Variants in TKTL2 observed in about 807,000 individuals in gnomAD.
The protein encoded by TKTL2 is transketolase-like protein 2.
For synonymous variants in TKTL2, 259 were observed against 294.1 expected, an observed-to-expected ratio of 0.88 and a Z score of 1.22; for missense variants, 825 against 799.4, an observed-to-expected ratio of 1.03 and a Z score of -0.39.
Position 163,472,530 on chromosome 4 carries a change from T to A in TKTL2, c.1205A>T (p.Asp402Val), listed in dbSNP as rs1265884825. ...AFAAFFTRAF[D>V]QLRMGAISQA... is the part of the protein sequence containing the mutation. Reference sequence around the variant, plus strand: ...AGAAATGGCTCCCATTCGGAGCTGATCGAATGCTCTAGTAAAAAAGGCAGC... The same window carrying A: ...AGAAATGGCTCCCATTCGGAGCTGAACGAATGCTCTAGTAAAAAAGGCAGC... Residue 402 changes from aspartate (D) to valine (V), a missense_variant, in exon 1 of 1, where the codon GAT (aspartate) becomes GTT (valine). Coordinates refer to ENST00000280605, the MANE Select transcript of TKTL2 (RefSeq NM_032136.5). 1.2e-6 allele frequency: 2 copies of A among 1,614,178 alleles called. No homozygotes were observed. The highest frequency in any genetic ancestry group is 1.7e-6 in the Non-Finnish European group (2 of 1,180,036).
chr4:163,473,355 C>T lies in TKTL2; in HGVS notation c.380G>A (p.Gly127Asp). ...TCCACATGCAGTACCTAATCCCTGA[C>T]CTAGGGACCCTGTTGCCACGTCAAC... ...PFVDVATGSL[G>D]QGLGTACGMA... is the part of the protein sequence containing the mutation. Residue 127 changes from glycine (G) to aspartate (D), a missense_variant, in exon 1 of 1, where the codon GGT (glycine) becomes GAT (aspartate). Coordinates refer to ENST00000280605, the MANE Select transcript of TKTL2 (RefSeq NM_032136.5). 2 of 1,613,948 alleles carry T rather than the reference C, an allele frequency of 1.2e-6. No homozygotes were observed. Among genetic ancestry groups the T allele is most frequent in the South Asian group, 1.1e-5 (1 of 91,048 alleles).
rs777485735 is a variant in TKTL2 at position 163,473,720 on chromosome 4, G to A, written c.15C>T (p.Asp5=). MMAN[D]AKPDVKTVQV... ...GCACGGTCTTCACGTCGGGCTTGGC[G>A]TCGTTGGCCATCATCTCTCTTTTGT... The change falls in exon 1 of 1, where the codon GAC becomes GAT. Residue 5 remains aspartate (D), a synonymous_variant. Transcript: ENST00000280605. 2 of 1,602,846 alleles carry A rather than the reference G, an allele frequency of 1.2e-6. No individual in the cohort carries two copies. The highest frequency in any genetic ancestry group is 8.5e-7 in the Non-Finnish European group (1 of 1,172,812).
rs1446805712 is a variant in TKTL2 at position 163,471,939 on chromosome 4, C to CG, written c.1795dup (p.Arg599ProfsTer5). ...ATCCAGCAATTCACTAGTTTTCCCA[C>CG]GTTGAGGCACTCCTGACACTGCCAG... is the stretch of plus-strand genomic sequence containing the variant. On this transcript the variant is annotated frameshift_variant, in exon 1 of 1. Transcript: ENST00000280605. LOFTEE classifies it high-confidence loss of function. 6.2e-7 allele frequency: 1 copy of CG among 1,607,514 alleles called. No homozygotes were observed. The highest frequency in any genetic ancestry group is 8.5e-7 in the Non-Finnish European group (1 of 1,176,968).
Position 163,473,685 on chromosome 4 carries a change from C to T in TKTL2, c.50G>A (p.Arg17Gln), listed in dbSNP as rs765173088. The T allele has an allele frequency of 1.2e-6, 2 of 1,613,626 alleles. No individual in the cohort carries two copies. The highest frequency in any genetic ancestry group is 1.1e-5 in the South Asian group (1 of 91,008). Reference protein sequence around the residue: ...KPDVKTVQVLRDTANRLRIHS... With the variant: ...KPDVKTVQVLQDTANRLRIHS... ...GATCCGCAGGCGGTTGGCTGTGTCC[C>T]GCAGCACCTGCACGGTCTTCACGTC... Residue 17 changes from arginine (R) to glutamine (Q), a missense_variant, in exon 1 of 1, where the codon CGG becomes CAG. Transcript: ENST00000280605.
chr4:163,472,493 G>T lies in TKTL2; in HGVS notation c.1242C>A (p.Ile414=), dbSNP rs867325962. Residue 414 remains isoleucine (I), a synonymous_variant, in exon 1 of 1, where the codon ATC becomes ATA. Coordinates refer to ENST00000280605, the MANE Select transcript of TKTL2 (RefSeq NM_032136.5). ...LRMGAISQAN[I]NLIGSHCGVS... is the part of the protein sequence containing the mutation. ...CCCCACAGTGGGAACCAATAAGGTTGATATTGGCTTGAGAAATGGCTCCCA... is the reference window on the plus strand; with the variant it reads ...CCCCACAGTGGGAACCAATAAGGTTTATATTGGCTTGAGAAATGGCTCCCA... 1.9e-6 allele frequency: 3 copies of T among 1,614,052 alleles called. No individual in the cohort carries two copies. Among genetic ancestry groups the T allele is most frequent in the Non-Finnish European group, 2.5e-6 (3 of 1,180,036 alleles).
Position 163,472,862 on chromosome 4 carries a change from T to C in TKTL2, c.873A>G (p.Lys291=). The C allele has an allele frequency of 2.5e-6, 4 of 1,588,002 alleles. No individual in the cohort carries two copies. The highest frequency in any genetic ancestry group is 2.2e-5 in the East Asian group (1 of 44,698). The change falls in exon 1 of 1, where the codon AAA becomes AAG. Residue 291 remains lysine, a synonymous_variant. Transcript: ENST00000280605. ...QIQTNENLIP[K]SPVEDSPQIS... ...TTTGAGGTGAGTCTTCCACAGGCGA[T>C]TTTGGTATGAGATTCTCATTGGTCT...
rs900627214 is a variant in TKTL2, at chr4:163,473,507, C to T, written c.228G>A (p.Arg76=). The part of the protein sequence containing the change: ...HPDNDRFILS[R]GHAAPILYAA... ...CATAGAGGATAGGAGCAGCATGTCC[C>T]CTGGAGAGGATGAACCGGTCGTTGT... The change falls in exon 1 of 1, where the codon AGG becomes AGA. Residue 76 remains arginine, a synonymous_variant. Transcript: ENST00000280605. The T allele has an allele frequency of 8.1e-6, 13 of 1,613,858 alleles. No individual in the cohort carries two copies. Among genetic ancestry groups the T allele is most frequent in the Non-Finnish European group, 1.1e-5 (13 of 1,180,012 alleles).
Position 163,472,035 on chromosome 4 carries a change from T to C in TKTL2, c.1700A>G (p.Tyr567Cys), listed in dbSNP as rs1349426210. 1.9e-6 allele frequency: 3 copies of C among 1,614,110 alleles called. No individual in the cohort carries two copies. Among genetic ancestry groups the C allele is most frequent in the Admixed American group, 1.7e-5 (1 of 60,012 alleles). The change falls in exon 1 of 1, where the codon TAC (tyrosine) becomes TGC (cysteine). Residue 567 changes from tyrosine (Y) to cysteine (C), a missense_variant. Transcript: ENST00000280605. ...GGRVITVEDH[Y>C]REGGIGEAVC... ...AGCTTCTCCAATGCCACCTTCCCTGTAGTGATCCTCCACTGTGATAACTCG... is the reference window on the plus strand; with the variant it reads ...AGCTTCTCCAATGCCACCTTCCCTGCAGTGATCCTCCACTGTGATAACTCG...
Position 163,473,405 on chromosome 4 carries a change from T to C in TKTL2, c.330A>G (p.Arg110=). ...NLRKLHSDLE[R]HPTPRLPFVD... is the part of the protein sequence containing the mutation. ...CAAACGGCAATCGGGGGGTAGGGTG[T>C]CTCTCCAAGTCGCTGTGAAGTTTCC... The change falls in exon 1 of 1, where the codon AGA becomes AGG. Residue 110 remains arginine, a synonymous_variant. Transcript: ENST00000280605. 6.2e-7 allele frequency: 1 copy of C among 1,613,790 alleles called. No individual in the cohort carries two copies. The highest frequency in any genetic ancestry group is 1.1e-5 in the South Asian group (1 of 91,038).
In TKTL2 at chr4:163,472,901, A is replaced by C; in HGVS notation, c.834T>G (p.Ile278Met). The C allele has an allele frequency of 1.2e-6, 2 of 1,611,844 alleles. No individual in the cohort carries two copies. Among genetic ancestry groups the C allele is most frequent in the East Asian group, 2.2e-5 (1 of 44,862 alleles). ...TCTCATTGGTCTGTATCTGACTCTCAATTAATTTGACAATTGCATCTGCTC... is the reference window on the plus strand; with the variant it reads ...TCTCATTGGTCTGTATCTGACTCTCCATTAATTTGACAATTGCATCTGCTC... ...KERADAIVKLIESQIQTNENL... is the reference protein window; with the variant it reads ...KERADAIVKLMESQIQTNENL... Residue 278 changes from isoleucine to methionine, a missense_variant, in exon 1 of 1, where the codon ATT (isoleucine) becomes ATG (methionine). Physicochemically the swap from Ile to Met is conservative, Grantham distance 10 (BLOSUM62 1). Coordinates refer to ENST00000280605, the MANE Select transcript of TKTL2 (RefSeq NM_032136.5).
Position 163,473,543 on chromosome 4 carries a change from T to G in TKTL2, c.192A>C (p.Pro64=). 6.2e-7 allele frequency: 1 copy of G among 1,614,050 alleles called. No individual in the cohort carries two copies. The highest frequency in any genetic ancestry group is 1.3e-5 in the African/African-American group (1 of 75,034). The part of the protein sequence containing the change: ...FHTMKYKQTD[P]EHPDNDRFIL... ...TGAACCGGTCGTTGTCCGGGTGTTCTGGGTCTGTCTGTTTATACTTCATCG... is the reference window on the plus strand; with the variant it reads ...TGAACCGGTCGTTGTCCGGGTGTTCGGGGTCTGTCTGTTTATACTTCATCG... Residue 64 remains proline (P), a synonymous_variant, in exon 1 of 1, where the codon CCA becomes CCC. Coordinates refer to ENST00000280605, the MANE Select transcript of TKTL2 (RefSeq NM_032136.5).
In TKTL2 at chr4:163,472,239, A is replaced by G. The variant is rs2110749489; in HGVS notation, c.1496T>C (p.Val499Ala). The G allele has an allele frequency of 6.2e-7, 1 of 1,614,064 alleles. No individual in the cohort carries two copies. Among genetic ancestry groups the G allele is most frequent in the Non-Finnish European group, 8.5e-7 (1 of 1,179,944 alleles). The change falls in exon 1 of 1, where the codon GTC becomes GCC. Residue 499 changes from valine to alanine, a missense_variant. Val to Ala is a moderately conservative substitution (Grantham distance 64). Coordinates refer to ENST00000280605, the MANE Select transcript of TKTL2 (RefSeq NM_032136.5). ...GACTTTATCATTGACACCGTGGCGG[A>G]CCACCTTGGCCTGGCCAATCTCAAA... ...ENFEIGQAKV[V>A]RHGVNDKVTV... is the part of the protein sequence containing the mutation.
rs1262013539 is a variant in TKTL2 at position 163,472,599 on chromosome 4, C to T, written c.1136G>A (p.Gly379Asp). 3 of 1,614,226 alleles carry T rather than the reference C, an allele frequency of 1.9e-6. No homozygotes were observed. Among genetic ancestry groups the T allele is most frequent in the Non-Finnish European group, 2.5e-6 (3 of 1,180,046 alleles). The change falls in exon 1 of 1, where the codon GGC (glycine) becomes GAC (aspartate). Residue 379 changes from glycine (G) to aspartate (D), a missense_variant. Coordinates refer to ENST00000280605, the MANE Select transcript of TKTL2 (RefSeq NM_032136.5). Reference protein sequence around the residue: ...AEQNMVSVALGCATRGRTIAF... With the variant: ...AEQNMVSVALDCATRGRTIAF... ...AATGGTTCGACCACGTGTAGCACAGCCTAGTGCCACACTTACCATGTTTTG... is the reference window on the plus strand; with the variant it reads ...AATGGTTCGACCACGTGTAGCACAGTCTAGTGCCACACTTACCATGTTTTG...
Position 163,471,815 on chromosome 4 carries a change from C to T in TKTL2, c.*39G>A, listed in dbSNP as rs1310935260. ...TACAAAGATACCAGTGCTTTTGGGCCAAAGCCAATAGACTTGACTTTTTAG... is the reference window on the plus strand; with the variant it reads ...TACAAAGATACCAGTGCTTTTGGGCTAAAGCCAATAGACTTGACTTTTTAG... On this transcript the variant is annotated 3_prime_UTR_variant, in exon 1 of 1. Transcript: ENST00000280605. 2.1e-6 allele frequency: 3 copies of T among 1,459,590 alleles called. No homozygotes were observed. In the East Asian group the frequency reaches 7.0e-5, roughly 34 times the overall value. The allele number at this position is 1,459,590 out of a possible 1,614,324, so 90.4% of individuals were successfully genotyped here. A position where few individuals can be genotyped will look rare whatever the true frequency, so the allele number is the denominator to read the frequency against.
chr4:163,473,067 T>C lies in TKTL2; in HGVS notation c.668A>G (p.Glu223Gly). ...TTGCCAAAATGCTTGGCACAAGGCC[T>C]CCACATCATGGCCATCCACTAAGTA... ...NTYLVDGHDVEALCQAFWQAS... is the reference protein window; with the variant it reads ...NTYLVDGHDVGALCQAFWQAS... The change falls in exon 1 of 1, where the codon GAG (glutamate) becomes GGG (glycine). Residue 223 changes from glutamate (E) to glycine (G), a missense_variant. By Grantham distance (98) the Glu-to-Gly change is moderately conservative. Transcript: ENST00000280605. 1 of 1,614,196 alleles carries C rather than the reference T, an allele frequency of 6.2e-7. No individual in the cohort carries two copies. Among genetic ancestry groups the C allele is most frequent in the East Asian group, 2.2e-5 (1 of 44,874 alleles).
chr4:163,472,265 A>G lies in TKTL2; in HGVS notation c.1470T>C (p.Asn490=). ...CCACCTTGGCCTGGCCAATCTCAAA[A>G]TTTTCTTGTGGGGTATAAATAACTG... ...ETAVIYTPQE[N]FEIGQAKVVR... is the part of the protein sequence containing the mutation. Residue 490 remains asparagine, a synonymous_variant, in exon 1 of 1, where the codon AAT becomes AAC. Coordinates refer to ENST00000280605, the MANE Select transcript of TKTL2 (RefSeq NM_032136.5). 4 of 1,611,920 alleles carry G rather than the reference A, an allele frequency of 2.5e-6. No individual in the cohort carries two copies. The East Asian group carries it at 8.9e-5, about 36-fold the overall frequency.
Position 163,473,640 on chromosome 4 carries a change from C to A in TKTL2, c.95G>T (p.Cys32Phe). Reference sequence around the variant, plus strand: ...CGTGAGCTGGCCAGAACCAGAGGCACACGTGGCCCTGATGGAATGGATCCG... The same window carrying A: ...CGTGAGCTGGCCAGAACCAGAGGCAAACGTGGCCCTGATGGAATGGATCCG... ...RLRIHSIRATCASGSGQLTSC... is the reference protein window; with the variant it reads ...RLRIHSIRATFASGSGQLTSC... Residue 32 changes from cysteine to phenylalanine, a missense_variant, in exon 1 of 1, where the codon TGT becomes TTT. Physicochemically the swap from Cys to Phe is radical, Grantham distance 205 (BLOSUM62 -2). Transcript: ENST00000280605. The A allele has an allele frequency of 6.2e-7, 1 of 1,614,186 alleles. No individual in the cohort carries two copies. Among genetic ancestry groups the A allele is most frequent in the Non-Finnish European group, 8.5e-7 (1 of 1,180,038 alleles).
Position 163,472,273 on chromosome 4 carries a change from G to T in TKTL2, c.1462C>A (p.Gln488Lys). 6.2e-7 allele frequency: 1 copy of T among 1,611,670 alleles called. No individual in the cohort carries two copies. Among genetic ancestry groups the T allele is most frequent in the Non-Finnish European group, 8.5e-7 (1 of 1,178,810 alleles). The change falls in exon 1 of 1, where the codon CAA (glutamine) becomes AAA (lysine). Residue 488 changes from glutamine to lysine, a missense_variant. Physicochemically the swap from Gln to Lys is moderately conservative, Grantham distance 53. Transcript: ENST00000280605. ...QPETAVIYTP[Q>K]ENFEIGQAKV... is the part of the protein sequence containing the mutation. ...GCCTGGCCAATCTCAAAATTTTCTTGTGGGGTATAAATAACTGCAGTTTCT... is the reference window on the plus strand; with the variant it reads ...GCCTGGCCAATCTCAAAATTTTCTTTTGGGGTATAAATAACTGCAGTTTCT...
chr4:163,472,241 C>T lies in TKTL2; in HGVS notation c.1494G>A (p.Val498=), dbSNP rs1402000937. ...QENFEIGQAK[V]VRHGVNDKVT... is the part of the protein sequence containing the mutation. ...CTTTATCATTGACACCGTGGCGGAC[C>T]ACCTTGGCCTGGCCAATCTCAAAAT... Residue 498 remains valine, a synonymous_variant, in exon 1 of 1, where the codon GTG becomes GTA. Coordinates refer to ENST00000280605, the MANE Select transcript of TKTL2 (RefSeq NM_032136.5). 1 of 1,613,502 alleles carries T rather than the reference C, an allele frequency of 6.2e-7. No homozygotes were observed.
Sources: allele counts gnomAD v4.1 joint callset, GRCh38; gene constraint gnomAD v4.1.1; transcripts MANE v1.5; gene names NCBI Gene and HGNC (gene_info 2026-07-23, HGNC 2026-07-21).